CNTLN: variants seen among roughly 807,000 people sequenced by gnomAD.
The protein encoded by CNTLN is centlein, also known as centlein, centrosomal protein.
A neutral mutation model predicts 180.0 loss-of-function variants in CNTLN; 212 were observed. The observed-to-expected ratio is 1.18, with a 90% CI of 1.05 to 1.32. The LOEUF (loss-of-function observed/expected upper bound fraction) is 1.32, where lower values mean the gene tolerates loss of function less well. CNTLN is among the 40% of genes most tolerant of loss of function. The pLI, the probability that CNTLN is intolerant of heterozygous loss-of-function variation, is 0.00. For synonymous variants in CNTLN, 722 were observed against 563.1 expected, an observed-to-expected ratio of 1.28 and a Z score of -3.99; for missense variants, 2,095 against 1,610.9, an observed-to-expected ratio of 1.30 and a Z score of -5.14.
intron 1 of CNTLN, among the ~76,000 whole-genome samples, chr9:17,136,618 C>G (rs767075336): frequency 4.6e-5 from 7 of 152,200 alleles, no homozygotes; most frequent in Non-Finnish European, 8.8e-5. Flanking sequence ...AATTCATTCT[C>G]TCATAGTTTG....
At chr9:17,400,373 G>C (rs370926397) in intron 15 of CNTLN, among the ~76,000 whole-genome samples, 1 of 152,038 alleles carries the variant, frequency 6.6e-6, no homozygotes, top group African/African-American at 2.4e-5. Context: ...TCCTGACCTC[G>C]TGATCTGCCT....
At position 17,290,827 on chromosome 9, in the gene CNTLN, C is replaced by T. The variant is rs1057379337; in HGVS notation, c.984-7363C>T. 6.6e-5 allele frequency among the ~76,000 whole-genome samples: 10 copies of T among 152,216 alleles called. No homozygotes were observed. In the East Asian group the frequency reaches 9.6e-4, roughly 15 times the overall value. On this transcript the variant is annotated intron_variant, in intron 6 of 25. Transcript: ENST00000380647. ...TCGGAAAGGGAACTCCCTGATCCCT[C>T]GCGCTTCCCAGGTGAGGCAATGCCT... is the stretch of plus-strand genomic sequence containing the variant.
chr9:17,348,879 T>C (rs1174830707), intron 12 of CNTLN, among the ~76,000 whole-genome samples: 1 of 152,084 alleles, frequency 6.6e-6, no homozygotes, highest in Admixed American at 6.5e-5. Flanking sequence ...TTTTGTTTTT[T>C]CCCCCTAGTT....
chr9:17,402,155 A>T (rs1827030562), intron 15 of CNTLN, among the ~76,000 whole-genome samples: 1 of 151,814 alleles, frequency 6.6e-6, no homozygotes, highest in African/African-American at 2.4e-5. Context: ...ACTGTTCTCT[A>T]TTCAAAAAGC....
At chr9:17,454,704 C>T (rs1284333929) in intron 18 of CNTLN, among the ~76,000 whole-genome samples, 1 of 152,138 alleles carries the variant, frequency 6.6e-6, no homozygotes, top group Non-Finnish European at 1.5e-5. Flanking sequence ...AGATTCTGTC[C>T]TCGAGATCAC....
chr9:17,420,683 A>T (rs1436547442), intron 18 of CNTLN, among the ~76,000 whole-genome samples: 2 of 151,858 alleles, frequency 1.3e-5, no homozygotes. Flanking sequence ...TTTTGATGTA[A>T]GCACTTTTAG....
chr9:17,429,659 G>C (rs1014144002), intron 18 of CNTLN, among the ~76,000 whole-genome samples: 1 of 151,896 alleles, frequency 6.6e-6, no homozygotes, highest in East Asian at 1.9e-4. Flanking sequence ...GAAAAAAAGA[G>C]ACCGCGTGGG....
intron 13 of CNTLN, among the ~76,000 whole-genome samples, chr9:17,376,847 A>T (rs958844680): frequency 6.6e-6 from 1 of 152,156 alleles, no homozygotes; most frequent in Non-Finnish European, 1.5e-5. Context: ...ATTTACATTT[A>T]TTATATTTAT....
chr9:17,367,677 T>C (rs529386503), intron 13 of CNTLN, among the ~76,000 whole-genome samples: 1 of 152,190 alleles, frequency 6.6e-6, no homozygotes, highest in East Asian at 1.9e-4. Context: ...GATAGGGCGC[T>C]AGTTAGATTT....
rs200875712 is a variant in CNTLN at position 17,236,438 on chromosome 9, A to G, written c.699A>G (p.Glu233=). The change falls in exon 5 of 26, where the codon GAA becomes GAG. Residue 233 remains glutamate, a synonymous_variant. Transcript: ENST00000380647. The stretch of plus-strand genomic sequence containing the variant: ...CTAAGGAGTGTGTACAGAACAAAGA[A>G]GAGCAAAACAGACTAGTTATAAAAA... ...KDTKECVQNK[E]EQNRLVIKNL... is the part of the protein sequence containing the mutation. The G allele has an allele frequency of 2.5e-6, 4 of 1,613,404 alleles. No individual in the cohort carries two copies. The highest frequency in any genetic ancestry group is 4.5e-5 in the East Asian group (2 of 44,854).
Position 17,263,174 on chromosome 9 carries a change from T to C in CNTLN, c.850-10559T>C, listed in dbSNP as rs199688897. Among the ~76,000 whole-genome samples the C allele has an allele frequency of 5.8e-4, 85 of 147,170 alleles. 2 individuals are homozygous for C. Among genetic ancestry groups the C allele is most frequent in the African/African-American group, 2.1e-3 (83 of 38,784 alleles). ...GTCATTTAGCATTAGGTATATCTCC[T>C]AATGCTATCCCTCCCCCCTCCCCCC... is the stretch of plus-strand genomic sequence containing the variant. On this transcript the variant is annotated intron_variant, in intron 5 of 25. Coordinates refer to ENST00000380647, the MANE Select transcript of CNTLN (RefSeq NM_017738.4).
chr9:17,204,670 C>G (rs371478501), intron 2 of CNTLN, among the ~76,000 whole-genome samples: 1 of 152,200 alleles, frequency 6.6e-6, no homozygotes, highest in Non-Finnish European at 1.5e-5. Flanking sequence ...TTTGAGAAGG[C>G]AGTCTTTCCC....
intron 20 of CNTLN, 61 bp downstream of exon 20, chr9:17,463,074 T>A: frequency 2.1e-6 from 2 of 931,198 alleles, no homozygotes; most frequent in East Asian, 2.7e-5. Flanking sequence ...CCAGCTCTAT[T>A]AAACGTGCTC....
intron 12 of CNTLN, among the ~76,000 whole-genome samples, chr9:17,342,994 G>A (rs774809555): frequency 1.3e-5 from 2 of 151,496 alleles, no homozygotes; most frequent in African/African-American, 4.9e-5. Context: ...ATGGTCCTTG[G>A]TAGTGACCTG....
intron 5 of CNTLN, among the ~76,000 whole-genome samples, chr9:17,257,365 C>G (rs1440629597): frequency 6.6e-6 from 1 of 152,100 alleles, no homozygotes; most frequent in Non-Finnish European, 1.5e-5. Flanking sequence ...TTTTCTTAAT[C>G]CAGTCTATCA....
At position 17,345,260 on chromosome 9, in the gene CNTLN, T is replaced by C. The variant is rs146349143; in HGVS notation, c.1886+2816T>C. On this transcript the variant is annotated intron_variant, in intron 12 of 25. Transcript: ENST00000380647. ...TCTGTAGACTGCCCTTTCATTCTCT[T>C]ACCTGTGTCTTTTGAATGGCAAAAG... Among the ~76,000 whole-genome samples, 1,481 of 152,294 alleles carry C rather than the reference T, an allele frequency of 9.7e-3. 13 individuals carry two copies. Among genetic ancestry groups the C allele is most frequent in the South Asian group, 0.06 (288 of 4,820 alleles).
At chr9:17,500,962 C>A (rs989760547) in intron 25 of CNTLN, among the ~76,000 whole-genome samples, 2 of 152,110 alleles carry the variant, frequency 1.3e-5, no homozygotes, top group African/African-American at 4.8e-5. Flanking sequence ...AAAATTAAAG[C>A]GTACTGCTTT....
At chr9:17,174,729 A>G (rs942520917) in intron 2 of CNTLN, among the ~76,000 whole-genome samples, 1 of 152,064 alleles carries the variant, frequency 6.6e-6, no homozygotes. Flanking sequence ...GAAATTGCCA[A>G]ACCGTTTGTC....
chr9:17,376,461 T>G (rs1824771533), intron 13 of CNTLN, among the ~76,000 whole-genome samples: 1 of 151,732 alleles, frequency 6.6e-6, no homozygotes, highest in African/African-American at 2.4e-5. Flanking sequence ...TTTTTAATTT[T>G]TTTTTTTTGA....
Sources: allele counts gnomAD v4.1 joint callset (sites outside exome capture counted in the v4.1 genomes callset), GRCh38; gene constraint gnomAD v4.1.1; transcripts MANE v1.5; gene names NCBI Gene and HGNC (gene_info 2026-07-23, HGNC 2026-07-21).